The following TMCC2 variants were observed in gnomAD, a reference collection of about 807,000 sequenced individuals.
TMCC2 encodes the protein transmembrane and coiled-coil domains protein 2.
Under a neutral mutation model 49.4 loss-of-function variants are expected in TMCC2, and 16 were observed. The observed-to-expected ratio is 0.32, with a 90% CI of 0.22 to 0.49. TMCC2 has a LOEUF of 0.49. TMCC2 is among the 20% of genes least tolerant of loss of function. The pLI is 0.99. For missense variants in TMCC2, 762 were observed against 989.8 expected, an observed-to-expected ratio of 0.77 and a Z score of 3.09; for synonymous variants, 397 against 434.1, an observed-to-expected ratio of 0.91 and a Z score of 1.06.
chr1:205,229,279 C>T (rs570161274), intron 1 of TMCC2, among the ~76,000 whole-genome samples: 13 of 151,716 alleles, frequency 8.6e-5, no homozygotes, highest in South Asian at 6.3e-4. Context: ...ACCTCCACCT[C>T]CTCGGTTCAA....
intron 1 of TMCC2, among the ~76,000 whole-genome samples, chr1:205,232,348 C>T (rs746014525): frequency 6.6e-6 from 1 of 152,216 alleles, no homozygotes; most frequent in Non-Finnish European, 1.5e-5. Context: ...CATCCTGCAA[C>T]AGGAGCACAA....
At chr1:205,260,875 CG>C (rs1459607084) in intron 2 of TMCC2, among the ~76,000 whole-genome samples, 1 of 152,144 alleles carries the variant, frequency 6.6e-6, no homozygotes, top group East Asian at 1.9e-4. Flanking sequence ...CTTTCATGGC[CG>C]AATAGTATTT....
chr1:205,265,647 T>G (rs1413147610), intron 2 of TMCC2, among the ~76,000 whole-genome samples: 8 of 151,632 alleles, frequency 5.3e-5, no homozygotes, highest in African/African-American at 1.9e-4. Context: ...CTGCAACCTC[T>G]GCCTCCCAGT....
Position 205,272,285 on chromosome 1 carries a change from C to G in TMCC2, c.*161C>G. ...CTCTGTACTTGCTTCTGTCTGACACCTTCTCCCTGTTGGCCTGAAGGGAGC... is the reference window on the plus strand; with the variant it reads ...CTCTGTACTTGCTTCTGTCTGACACGTTCTCCCTGTTGGCCTGAAGGGAGC... On this transcript the variant is annotated 3_prime_UTR_variant, in exon 5 of 5. Transcript: ENST00000358024. 2.2e-6 allele frequency: 3 copies of G among 1,374,616 alleles called. No individual in the cohort carries two copies. The highest frequency in any genetic ancestry group is 2.9e-6 in the Non-Finnish European group (3 of 1,043,262). The allele number at this position is 1,374,616 out of a possible 1,614,324, so 85.2% of individuals were successfully genotyped here.
At chr1:205,271,064 G>C in intron 3 of TMCC2, 56 bp from the exon 4 acceptor site, 1 of 1,599,916 alleles carries the variant, frequency 6.3e-7, no homozygotes, top group Non-Finnish European at 8.5e-7. Context: ...TCAACTGTGG[G>C]AGAGAGTGGA....
chr1:205,241,652 T>C lies in TMCC2; in HGVS notation c.355T>C (p.Ser119Pro), dbSNP rs779266840. The change falls in exon 2 of 5, where the codon TCC (serine) becomes CCC (proline). Residue 119 changes from serine (S) to proline (P), a missense_variant. Coordinates refer to ENST00000358024, the MANE Select transcript of TMCC2 (RefSeq NM_014858.4). This position sits in a 1 kb window ranked among gnomAD's most constrained non-coding sequence, Gnocchi z 7.3. ...QQQQGMSDHD[S>P]PDEKERSPEM... ...GCAGCAGGGTATGTCCGACCATGAC[T>C]CCCCAGATGAGAAGGAGCGCTCTCC... The C allele has an allele frequency of 6.2e-7, 1 of 1,613,748 alleles. No homozygotes were observed. Among genetic ancestry groups the C allele is most frequent in the South Asian group, 1.1e-5 (1 of 91,062 alleles).
intron 4 of TMCC2, chr1:205,271,491 A>G (rs1661590044): frequency 2.9e-6 from 2 of 693,424 alleles, no homozygotes; most frequent in Non-Finnish European, 4.7e-6. Flanking sequence ...AGAGGCCACC[A>G]TGCCCCCCAC....
intron 2 of TMCC2, chr1:205,267,872 A>G: frequency 1.0e-6 from 1 of 984,990 alleles, no homozygotes; most frequent in Non-Finnish European, 1.2e-6. Flanking sequence ...TAGTAGCCTC[A>G]GGCCCCCAAA....
At chr1:205,253,835 T>C (rs1660760341) in intron 2 of TMCC2, among the ~76,000 whole-genome samples, 1 of 152,244 alleles carries the variant, frequency 6.6e-6, no homozygotes, top group Non-Finnish European at 1.5e-5. Context: ...TGTGTATGCA[T>C]GTGCACATAC....
At chr1:205,248,369 A>G (rs950427505) in intron 2 of TMCC2, among the ~76,000 whole-genome samples, 3 of 152,204 alleles carry the variant, frequency 2.0e-5, no homozygotes, top group Non-Finnish European at 2.9e-5. Flanking sequence ...TGATTGCACC[A>G]CTGCACTCCA....
chr1:205,235,591 C>G (rs1392707932), intron 1 of TMCC2, among the ~76,000 whole-genome samples: 1 of 152,174 alleles, frequency 6.6e-6, no homozygotes, highest in Non-Finnish European at 1.5e-5. Context: ...GTTTTCATCT[C>G]TCCCTTAAGA....
chr1:205,244,306 C>T (rs1660378118), intron 2 of TMCC2, among the ~76,000 whole-genome samples: 1 of 152,138 alleles, frequency 6.6e-6, no homozygotes, highest in Non-Finnish European at 1.5e-5. Context: ...AAGGGGAATT[C>T]TCACTGGGGT....
chr1:205,237,306 T>G (rs935828484), intron 1 of TMCC2, among the ~76,000 whole-genome samples: 3 of 152,120 alleles, frequency 2.0e-5, no homozygotes, highest in Non-Finnish European at 4.4e-5. Flanking sequence ...GTTTTTACAG[T>G]GATTAGTTCT....
chr1:205,268,387 G>C (rs1465150942), intron 2 of TMCC2, among the ~76,000 whole-genome samples: 1 of 152,342 alleles, frequency 6.6e-6, no homozygotes, highest in East Asian at 1.9e-4. Context: ...GCCAAGGCAG[G>C]CAGATCACTT....
rs1337805052 is a variant in TMCC2 at position 205,228,629 on chromosome 1, A to G, written c.65A>G (p.Glu22Gly). 14 of 1,613,222 alleles carry G rather than the reference A, an allele frequency of 8.7e-6. No homozygotes were observed. The highest frequency in any genetic ancestry group is 1.2e-5 in the Non-Finnish European group (14 of 1,179,804). Residue 22 changes from glutamate to glycine, a missense_variant, in exon 1 of 5, where the codon GAA (glutamate) becomes GGA (glycine). Transcript: ENST00000358024. The part of the protein sequence containing the change: ...QQGEEDGAGL[E>G]DAASHLPGAD... ...GGCGAGGAGGATGGAGCTGGGCTGG[A>G]AGATGCCGCTTCCCACCTGCCGGGC...
chr1:205,238,187 C>T (rs925931631), intron 1 of TMCC2, among the ~76,000 whole-genome samples: 24 of 152,104 alleles, frequency 1.6e-4, no homozygotes, highest in African/African-American at 5.8e-4. Context: ...AGCTAGTCAC[C>T]ATGGTTTTCC....
chr1:205,256,820 G>A (rs1280051052), intron 2 of TMCC2, among the ~76,000 whole-genome samples: 1 of 152,148 alleles, frequency 6.6e-6, no homozygotes, highest in Non-Finnish European at 1.5e-5. Flanking sequence ...CCATGAGACT[G>A]CTCTGTTTGT....
chr1:205,247,787 C>T (rs549508335), intron 2 of TMCC2, among the ~76,000 whole-genome samples: 1 of 152,178 alleles, frequency 6.6e-6, no homozygotes, highest in Non-Finnish European at 1.5e-5. Flanking sequence ...TTGTTTAGAA[C>T]TCACCAGCTG....
intron 1 of TMCC2, among the ~76,000 whole-genome samples, chr1:205,230,912 G>T (rs935393398): frequency 6.6e-6 from 1 of 150,816 alleles, no homozygotes; most frequent in African/African-American, 2.4e-5. Context: ...ATTAACTGCC[G>T]AACTGCCCTC....
Sources: gnomAD v4.1 joint callset for allele counts (sites outside exome capture counted in the v4.1 genomes callset) on GRCh38, gnomAD v4.1.1 for gene constraint, Gnocchi (gnomAD v3.1) non-coding constraint, MANE v1.5 for transcripts, NCBI Gene and HGNC (gene_info 2026-07-23, HGNC 2026-07-21) for gene names.